SLC15A5: variants seen among roughly 807,000 people sequenced by gnomAD.
SLC15A5 encodes the protein Peptide/histidine transporter ENSP00000340402.
SLC15A5 carries 58 observed loss-of-function variants against 56.1 expected under a neutral mutation model. The ratio of observed to expected loss-of-function variants is 1.03; its 90% CI spans 0.84 to 1.29. The LOEUF (loss-of-function observed/expected upper bound fraction) is 1.29, where lower values mean the gene tolerates loss of function less well. Ranked by LOEUF, SLC15A5 falls within the 50% of genes most tolerant of loss-of-function variation. The pLI is 0.00. For missense variants in SLC15A5, 681 were observed against 672.1 expected, an observed-to-expected ratio of 1.01 and a Z score of -0.15; for synonymous variants, 264 against 250.5, an observed-to-expected ratio of 1.05 and a Z score of -0.51.
intron 5 of SLC15A5, among the ~76,000 whole-genome samples, chr12:16,232,746 T>C (rs1864310392): frequency 6.6e-6 from 1 of 151,906 alleles, no homozygotes; most frequent in Admixed American, 6.6e-5. Context: ...CATAACCCCA[T>C]CTCTACTAAA....
Position 16,257,779 on chromosome 12 carries a change from T to G in SLC15A5, c.676A>C (p.Ile226Leu). The change falls in exon 3 of 9, where the codon ATT (isoleucine) becomes CTT (leucine). Residue 226 changes from isoleucine (I) to leucine (L), a missense_variant. Transcript: ENST00000344941. ...GCCATAAGCATAGACATAAAAGGAATAAGTAAAACAAGGGCCCAGGCCTGT... is the reference window on the plus strand; with the variant it reads ...GCCATAAGCATAGACATAAAAGGAAGAAGTAAAACAAGGGCCCAGGCCTGT... ...HSQAWALVLL[I>L]PFMSMLMAVI... The G allele has an allele frequency of 6.5e-7, 1 of 1,532,384 alleles. No homozygotes were observed. Among genetic ancestry groups the G allele is most frequent in the Admixed American group, 2.0e-5 (1 of 50,002 alleles). The allele number at this position is 1,532,384 out of a possible 1,614,324, so 94.9% of individuals were successfully genotyped here. A position where few individuals can be genotyped will look rare whatever the true frequency, so the allele number is the denominator to read the frequency against.
At chr12:16,259,532 G>A (rs1396979252) in intron 2 of SLC15A5, among the ~76,000 whole-genome samples, 1 of 152,158 alleles carries the variant, frequency 6.6e-6, no homozygotes, top group Non-Finnish European at 1.5e-5. Flanking sequence ...TGAGAAGAAA[G>A]AAAATGTTTA....
chr12:16,205,588 TATACATATACACACACACACAC>T (rs1864009852), intron 7 of SLC15A5, among the ~76,000 whole-genome samples: 1 of 22,368 alleles, frequency 4.5e-5, no homozygotes, highest in Non-Finnish European at 1.0e-4. Flanking sequence ...TGCATATATA[TATACATATACACACACACACAC>T]ATATATATAC....
intron 7 of SLC15A5, among the ~76,000 whole-genome samples, chr12:16,212,686 T>A (rs1188625763): frequency 2.0e-5 from 3 of 152,122 alleles, no homozygotes; most frequent in South Asian, 2.1e-4. Context: ...TGTAAGACTC[T>A]TTTTTGGTCC....
Position 16,255,642 on chromosome 12 carries a change from A to G in SLC15A5, c.754+2059T>C, listed in dbSNP as rs188567001. Among the ~76,000 whole-genome samples, 4 of 152,274 alleles carry G rather than the reference A, an allele frequency of 2.6e-5. No individual in the cohort carries two copies. The East Asian group carries it at 7.7e-4, about 29-fold the overall frequency. On this transcript the variant is annotated intron_variant, in intron 3 of 8. Coordinates refer to ENST00000344941, the MANE Select transcript of SLC15A5 (RefSeq NM_001170798.1). The stretch of plus-strand genomic sequence containing the variant: ...GCAAAAAAGAAAAGCAAAGAGAAAC[A>G]TGCACCAAGCTATTTGTTAGAATCT...
chr12:16,217,856 T>G (rs1864145460), intron 6 of SLC15A5, among the ~76,000 whole-genome samples: 1 of 152,148 alleles, frequency 6.6e-6, no homozygotes, highest in Non-Finnish European at 1.5e-5. Context: ...CCAAGTCATT[T>G]TTTGGGTGCC....
intron 7 of SLC15A5, among the ~76,000 whole-genome samples, chr12:16,211,042 C>G (rs1370015682): frequency 6.6e-6 from 1 of 152,140 alleles, no homozygotes; most frequent in Non-Finnish European, 1.5e-5. Flanking sequence ...AACCAGTTGA[C>G]AAGTAGAGTG....
chr12:16,228,394 G>A (rs775720317), intron 5 of SLC15A5, among the ~76,000 whole-genome samples: 14 of 152,164 alleles, frequency 9.2e-5, no homozygotes, highest in Non-Finnish European at 2.1e-4. Flanking sequence ...GTAAGAAAAG[G>A]TTTCAAGGAG....
chr12:16,192,409 G>T (rs1220246552), intron 8 of SLC15A5, among the ~76,000 whole-genome samples: 1 of 151,882 alleles, frequency 6.6e-6, no homozygotes, highest in African/African-American at 2.4e-5. Flanking sequence ...TCTCATCTTT[G>T]GTTCCTCCAA....
At chr12:16,225,933 C>G (rs1864237004) in intron 5 of SLC15A5, among the ~76,000 whole-genome samples, 1 of 152,212 alleles carries the variant, frequency 6.6e-6, no homozygotes, top group East Asian at 1.9e-4. Flanking sequence ...ACTTCCTCTT[C>G]CCTGACTTCC....
intron 8 of SLC15A5, among the ~76,000 whole-genome samples, chr12:16,191,050 T>G (rs1863834249): frequency 6.6e-6 from 1 of 152,140 alleles, no homozygotes; most frequent in Non-Finnish European, 1.5e-5. Context: ...CATATTTACT[T>G]TCATCTACCT....
intron 6 of SLC15A5, among the ~76,000 whole-genome samples, chr12:16,220,932 G>C (rs1864181931): frequency 6.6e-6 from 1 of 151,958 alleles, no homozygotes; most frequent in South Asian, 2.1e-4. Context: ...CAGCTGAGGT[G>C]TACGCTGCTA....
intron 5 of SLC15A5, among the ~76,000 whole-genome samples, chr12:16,225,241 C>T (rs1369619622): frequency 6.6e-6 from 1 of 151,974 alleles, no homozygotes; most frequent in Non-Finnish European, 1.5e-5. Flanking sequence ...GGGTATATAC[C>T]CAGTAATGGG....
intron 3 of SLC15A5, among the ~76,000 whole-genome samples, chr12:16,251,055 C>T (rs1172305564): frequency 1.3e-5 from 2 of 151,822 alleles, no homozygotes; most frequent in African/African-American, 4.8e-5. Context: ...TAAAAATTGA[C>T]AAGAAATGAA....
intron 7 of SLC15A5, among the ~76,000 whole-genome samples, chr12:16,195,599 T>G (rs987879499): frequency 1.3e-5 from 2 of 152,034 alleles, no homozygotes; most frequent in Non-Finnish European, 2.9e-5. Flanking sequence ...TAGGAACAAC[T>G]CCTACAATGG....
At chr12:16,262,836 C>T (rs909976455) in intron 2 of SLC15A5, among the ~76,000 whole-genome samples, 2 of 152,160 alleles carry the variant, frequency 1.3e-5, no homozygotes, top group Non-Finnish European at 2.9e-5. Flanking sequence ...CTGCACAGCT[C>T]CCTCTTTGCC....
chr12:16,229,351 T>C (rs1210371837), intron 5 of SLC15A5, among the ~76,000 whole-genome samples: 1 of 152,174 alleles, frequency 6.6e-6, no homozygotes, highest in Non-Finnish European at 1.5e-5. Context: ...CTTAAACTCT[T>C]TCTTTTCCAT....
At position 16,271,869 on chromosome 12, in the gene SLC15A5, A is replaced by G. The variant is rs1864761798; in HGVS notation, c.584+692T>C. Among the ~76,000 whole-genome samples, 1 of 152,202 alleles carries G rather than the reference A, an allele frequency of 6.6e-6. No homozygotes were observed. The highest frequency in any genetic ancestry group is 1.5e-5 in the Non-Finnish European group (1 of 68,026). On this transcript the variant is annotated intron_variant, in intron 2 of 8. Transcript: ENST00000344941. This position sits in a 1 kb window ranked among gnomAD's most constrained non-coding sequence, Gnocchi z 8.0. ...ACGAACTCCATAAGAACTCGTTGGG[A>G]GAGACAAAGATTCACAGGAAGGCTG... is the stretch of plus-strand genomic sequence containing the variant.
chr12:16,251,112 AG>A (rs1864514678), intron 3 of SLC15A5, among the ~76,000 whole-genome samples: 1 of 152,022 alleles, frequency 6.6e-6, no homozygotes, highest in South Asian at 2.1e-4. Context: ...AGAAATCACA[AG>A]GGAATTTAGA....
Sources: gnomAD v4.1 joint callset for allele counts (sites outside exome capture counted in the v4.1 genomes callset) on GRCh38, gnomAD v4.1.1 for gene constraint, Gnocchi (gnomAD v3.1) non-coding constraint, MANE v1.5 for transcripts, NCBI Gene and HGNC (gene_info 2026-07-23, HGNC 2026-07-21) for gene names.